B4GALT2: variants seen among roughly 807,000 people sequenced by gnomAD.
The protein encoded by B4GALT2 is N-acetyllactosamine synthase.
Under a neutral mutation model 33.2 loss-of-function variants are expected in B4GALT2, and 18 were observed. The observed-to-expected ratio is 0.54, with a 90% CI of 0.38 to 0.80. The LOEUF is 0.80. B4GALT2 is among the 30% of genes least tolerant of loss of function. The probability of loss-of-function intolerance (pLI) is 0.00; values close to 1 mark genes in which losing one functional copy is unlikely to be tolerated. For synonymous variants in B4GALT2, 214 were observed against 217.6 expected, an observed-to-expected ratio of 0.98 and a Z score of 0.15; for missense variants, 404 against 526.2, an observed-to-expected ratio of 0.77 and a Z score of 2.27.
intron 6 of B4GALT2, among the ~76,000 whole-genome samples, chr1:43,988,308 C>T (rs999655680): frequency 7.6e-5 from 11 of 144,202 alleles, no homozygotes; most frequent in African/African-American, 2.6e-5. Context: ...GTTAGGAGCT[C>T]GAGACCAGCC....
chr1:43,982,342 A>G lies in B4GALT2; in HGVS notation c.549+418A>G, dbSNP rs919915995. Among the ~76,000 whole-genome samples, 184 of 152,120 alleles carry G rather than the reference A, an allele frequency of 1.2e-3. 1 individual carries two copies. Among genetic ancestry groups the G allele is most frequent in the African/African-American group, 4.2e-3 (173 of 41,504 alleles). On this transcript the variant is annotated intron_variant, in intron 3 of 6. Coordinates refer to ENST00000372324, the MANE Select transcript of B4GALT2 (RefSeq NM_003780.5). This position sits in a 1 kb window ranked among gnomAD's most constrained non-coding sequence, Gnocchi z 4.3. ...CTTAAGGCCTTTGGTGGACCTGGCTAGGGCTGGCCACTAGGTCCCAGAAGG... is the reference window on the plus strand; with the variant it reads ...CTTAAGGCCTTTGGTGGACCTGGCTGGGGCTGGCCACTAGGTCCCAGAAGG...
chr1:43,990,063 T>G (rs1018266834), intron 6 of B4GALT2, among the ~76,000 whole-genome samples: 2 of 152,200 alleles, frequency 1.3e-5, no homozygotes, highest in Non-Finnish European at 2.9e-5. Context: ...GTCAGTCTTG[T>G]GATCTCTGCT....
Position 43,981,913 on chromosome 1 carries a change from GTCA to G in B4GALT2, c.542_544del (p.Ile181del), listed in dbSNP as rs1384434231. ...GCAGCGGCTGCGCTACGGCGTCTAT[GTCA>G]TCAACCAGGTGCCCATGCGGGGGTC... is the stretch of plus-strand genomic sequence containing the variant. On this transcript the variant is annotated inframe_deletion, in exon 3 of 7. Transcript: ENST00000372324. The surrounding 1 kb of genome is among the most constrained non-coding windows in gnomAD (Gnocchi z 8.1). 1 of 1,613,724 alleles carries G rather than the reference GTCA, an allele frequency of 6.2e-7. No individual in the cohort carries two copies. The highest frequency in any genetic ancestry group is 1.7e-5 in the Admixed American group (1 of 60,016).
At position 43,979,844 on chromosome 1, in the gene B4GALT2, G is replaced by C; in HGVS notation, c.-53+333G>C. On this transcript the variant is annotated intron_variant, in intron 1 of 6. Transcript: ENST00000372324. This position sits in a 1 kb window ranked among gnomAD's most constrained non-coding sequence, Gnocchi z 4.8. ...CTGCCCCCAGGCTCCACACCCACCC[G>C]GTCTGTGCGGCCTGCCCGTCCGCGG... The C allele has an allele frequency of 1.6e-5, 10 of 622,806 alleles. No individual in the cohort carries two copies. Among genetic ancestry groups the C allele is most frequent in the Non-Finnish European group, 2.4e-5 (9 of 367,820 alleles). 38.6% of individuals were successfully genotyped at this position (622,806 alleles called of 1,614,324 possible).
chr1:43,980,162 C>T lies in B4GALT2; in HGVS notation c.-53+651C>T, dbSNP rs79532882. 2.7e-3 allele frequency: 3,141 copies of T among 1,142,764 alleles called. 66 individuals carry two copies. The African/African-American group carries it at 0.046, about 17-fold the overall frequency. 70.8% of individuals were successfully genotyped at this position (1,142,764 alleles called of 1,614,324 possible). On this transcript the variant is annotated intron_variant, in intron 1 of 6. Coordinates refer to ENST00000372324, the MANE Select transcript of B4GALT2 (RefSeq NM_003780.5). ...CAGGGTGTCCCTGTGATTCTGTGTG[C>T]CTGTGAGACTCACCCTGCTCCCTGA...
chr1:43,981,024 G>A lies in B4GALT2; in HGVS notation c.-52-85G>A, dbSNP rs1045280898. The stretch of plus-strand genomic sequence containing the variant: ...TCAGTGTGAGGTGTGGCCCACGAGT[G>A]TGAGCAGCTGAGTGGGAGGTAGGTG... On this transcript the variant is annotated intron_variant, in intron 1 of 6. Transcript: ENST00000372324. This position sits in a 1 kb window ranked among gnomAD's most constrained non-coding sequence, Gnocchi z 8.1. The A allele has an allele frequency of 1.5e-5, 21 of 1,444,936 alleles. No homozygotes were observed. The highest frequency in any genetic ancestry group is 2.4e-5 in the Admixed American group (1 of 42,018). The allele number at this position is 1,444,936 out of a possible 1,614,324, so 89.5% of individuals were successfully genotyped here. A position where few individuals can be genotyped will look rare whatever the true frequency, so the allele number is the denominator to read the frequency against.
chr1:43,990,646 A>G lies in B4GALT2; in HGVS notation c.*198A>G. 1 of 702,946 alleles carries G rather than the reference A, an allele frequency of 1.4e-6. No individual in the cohort carries two copies. Among genetic ancestry groups the G allele is most frequent in the South Asian group, 1.9e-5 (1 of 53,398 alleles). The allele number at this position is 702,946 out of a possible 1,614,324, so 43.5% of individuals were successfully genotyped here. On this transcript the variant is annotated 3_prime_UTR_variant, in exon 7 of 7. Transcript: ENST00000372324. ...GGCCTCCTGCCTGGGCAGGCTCTTC[A>G]AGTGTGGCCCTCTTTGGAGTCAACC...
At chr1:43,989,895 C>A (rs1020449867) in intron 6 of B4GALT2, among the ~76,000 whole-genome samples, 1 of 152,144 alleles carries the variant, frequency 6.6e-6, no homozygotes, top group Admixed American at 6.6e-5. Flanking sequence ...TATCTCAAGT[C>A]CTGTACTTGT....
Position 43,981,337 on chromosome 1 carries a change from C to T in B4GALT2, c.177C>T (p.Ser59=), listed in dbSNP as rs1250876419. The T allele has an allele frequency of 1.3e-6, 2 of 1,597,294 alleles. No individual in the cohort carries two copies. Among genetic ancestry groups the T allele is most frequent in the Admixed American group, 1.7e-5 (1 of 59,918 alleles). Reference sequence around the variant, plus strand: ...CCCATGCCCTCCACCCAGCTGCTAGCAGCAGCAGCAGCAGCAGCAACTGCT... The same window carrying T: ...CCCATGCCCTCCACCCAGCTGCTAGTAGCAGCAGCAGCAGCAGCAACTGCT... ...GPAHALHPAA[S]SSSSSSNCSR... The change falls in exon 2 of 7, where the codon AGC becomes AGT. Residue 59 remains serine, a synonymous_variant. Transcript: ENST00000372324. The surrounding 1 kb of genome is among the most constrained non-coding windows in gnomAD (Gnocchi z 8.1).
rs936458732 is a variant in B4GALT2, at chr1:43,982,413, C to T, written c.549+489C>T. Among the ~76,000 whole-genome samples, 2 of 152,140 alleles carry T rather than the reference C, an allele frequency of 1.3e-5. No homozygotes were observed. Among genetic ancestry groups the T allele is most frequent in the African/African-American group, 4.8e-5 (2 of 41,424 alleles). ...CCGCCCCCGCCGACCACAGAGACCT[C>T]CTAGACTTGGACATGGGTCCCTCCC... On this transcript the variant is annotated intron_variant, in intron 3 of 6. Coordinates refer to ENST00000372324, the MANE Select transcript of B4GALT2 (RefSeq NM_003780.5). This position sits in a 1 kb window ranked among gnomAD's most constrained non-coding sequence, Gnocchi z 4.3.
chr1:43,981,603 C>T lies in B4GALT2; in HGVS notation c.314-86C>T. 1 of 1,535,740 alleles carries T rather than the reference C, an allele frequency of 6.5e-7. No homozygotes were observed. The highest frequency in any genetic ancestry group is 8.8e-7 in the Non-Finnish European group (1 of 1,138,638). ...TGTAAGAGGGCTATTCTTGGGGTTC[C>T]CTAGCCCACCCCCAGGCTGAGGGTG... is the stretch of plus-strand genomic sequence containing the variant. On this transcript the variant is annotated intron_variant, in intron 2 of 6. Coordinates refer to ENST00000372324, the MANE Select transcript of B4GALT2 (RefSeq NM_003780.5). This position sits in a 1 kb window ranked among gnomAD's most constrained non-coding sequence, Gnocchi z 8.1.
Position 43,985,409 on chromosome 1 carries a change from G to C in B4GALT2, c.863+9G>C, listed in dbSNP as rs1356236142. 6.6e-7 allele frequency: 1 copy of C among 1,510,414 alleles called. No homozygotes were observed. Among genetic ancestry groups the C allele is most frequent in the Admixed American group, 1.8e-5 (1 of 55,084 alleles). The allele number at this position is 1,510,414 out of a possible 1,614,324, so 93.6% of individuals were successfully genotyped here. A position where few individuals can be genotyped will look rare whatever the true frequency, so the allele number is the denominator to read the frequency against. Reference sequence around the variant, plus strand: ...GATGACATCTTCAACCGGTGAGTAAGCACGCGGTGGGGAATAGGCTGGGTG... The same window carrying C: ...GATGACATCTTCAACCGGTGAGTAACCACGCGGTGGGGAATAGGCTGGGTG... On this transcript the variant is annotated intron_variant, in intron 5 of 6. Coordinates refer to ENST00000372324, the MANE Select transcript of B4GALT2 (RefSeq NM_003780.5).
In B4GALT2 at chr1:43,982,008, A is replaced by G. The variant is rs551774331; in HGVS notation, c.549+84A>G. 12 of 1,375,016 alleles carry G rather than the reference A, an allele frequency of 8.7e-6. No homozygotes were observed. In the South Asian group the frequency reaches 1.1e-4, roughly 13 times the overall value. The allele number at this position is 1,375,016 out of a possible 1,614,324, so 85.2% of individuals were successfully genotyped here. A position where few individuals can be genotyped will look rare whatever the true frequency, so the allele number is the denominator to read the frequency against. On this transcript the variant is annotated intron_variant, in intron 3 of 6. Transcript: ENST00000372324. The surrounding 1 kb of genome is among the most constrained non-coding windows in gnomAD (Gnocchi z 4.3). Reference sequence around the variant, plus strand: ...TGGGTCCTTGTCTGCCCGTGTGGATATGTGGATGGACCTGGGCGTGGGTAG... The same window carrying G: ...TGGGTCCTTGTCTGCCCGTGTGGATGTGTGGATGGACCTGGGCGTGGGTAG...
Position 43,990,971 on chromosome 1 carries a change from G to C in B4GALT2, c.*523G>C, listed in dbSNP as rs2085727107. On this transcript the variant is annotated 3_prime_UTR_variant, in exon 7 of 7. Coordinates refer to ENST00000372324, the MANE Select transcript of B4GALT2 (RefSeq NM_003780.5). ...GCCCCCTGCTGAGGAGCAGCCCCAGGAGGGGACCAGAGGGGATGCTGTGTC... is the reference window on the plus strand; with the variant it reads ...GCCCCCTGCTGAGGAGCAGCCCCAGCAGGGGACCAGAGGGGATGCTGTGTC... 1 of 161,158 alleles carries C rather than the reference G, an allele frequency of 6.2e-6. No homozygotes were observed. The highest frequency in any genetic ancestry group is 5.8e-5 in the Admixed American group (1 of 17,368). The allele number at this position is 161,158 out of a possible 1,614,324, so 10.0% of individuals were successfully genotyped here.
chr1:43,980,506 C>A (rs115667886), intron 1 of B4GALT2: 1,459 of 994,126 alleles, frequency 1.5e-3, no homozygotes, highest in Non-Finnish European at 1.7e-3. Flanking sequence ...CCAGCCTGGT[C>A]CCAGTTGGCC....
intron 6 of B4GALT2, among the ~76,000 whole-genome samples, chr1:43,988,873 A>G (rs921686242): frequency 1.5e-5 from 2 of 137,236 alleles, no homozygotes. Context: ...AAAAAGTCTG[A>G]GCTGAGAGAT....
At position 43,979,911 on chromosome 1, in the gene B4GALT2, C is replaced by T. The variant is rs569259193; in HGVS notation, c.-53+400C>T. 71 of 1,410,780 alleles carry T rather than the reference C, an allele frequency of 5.0e-5. No homozygotes were observed. The highest frequency in any genetic ancestry group is 7.7e-5 in the South Asian group (6 of 78,308). The allele number at this position is 1,410,780 out of a possible 1,614,324, so 87.4% of individuals were successfully genotyped here. A position where few individuals can be genotyped will look rare whatever the true frequency, so the allele number is the denominator to read the frequency against. The stretch of plus-strand genomic sequence containing the variant: ...CTGCCAGCCCCGCCCAAACGCACCC[C>T]TCAGCCTGGCCGCCAGCCTGACCCA... On this transcript the variant is annotated intron_variant, in intron 1 of 6. Coordinates refer to ENST00000372324, the MANE Select transcript of B4GALT2 (RefSeq NM_003780.5). The surrounding 1 kb of genome is among the most constrained non-coding windows in gnomAD (Gnocchi z 4.8).
intron 6 of B4GALT2, among the ~76,000 whole-genome samples, chr1:43,989,858 C>T (rs984288062): frequency 2.6e-5 from 4 of 152,180 alleles, no homozygotes; most frequent in African/African-American, 7.2e-5. Flanking sequence ...TATATTACCA[C>T]ATTATACAAA....
chr1:43,991,066 C>T lies in B4GALT2; in HGVS notation c.*618C>T, dbSNP rs2085728456. ...GGGCTTGGATCAGTAAGTCTGGTTC[C>T]CGCCTCCCTGTCTGAGAGAGGAGGC... On this transcript the variant is annotated 3_prime_UTR_variant, in exon 7 of 7. Coordinates refer to ENST00000372324, the MANE Select transcript of B4GALT2 (RefSeq NM_003780.5). 1 of 158,102 alleles carries T rather than the reference C, an allele frequency of 6.3e-6. No homozygotes were observed. Among genetic ancestry groups the T allele is most frequent in the African/African-American group, 2.4e-5 (1 of 41,460 alleles). 9.8% of individuals were successfully genotyped at this position (158,102 alleles called of 1,614,324 possible). A position where few individuals can be genotyped will look rare whatever the true frequency, so the allele number is the denominator to read the frequency against.
Sources: allele counts gnomAD v4.1 joint callset (sites outside exome capture counted in the v4.1 genomes callset), GRCh38; gene constraint gnomAD v4.1.1; non-coding constraint Gnocchi (gnomAD v3.1); transcripts MANE v1.5; gene names NCBI Gene and HGNC (gene_info 2026-07-23, HGNC 2026-07-21).